The following MED12L variants were observed in gnomAD, a reference collection of about 807,000 sequenced individuals.
The protein encoded by MED12L is mediator complex subunit 12L.
MED12L carries 60 observed loss-of-function variants against 281.3 expected under a neutral mutation model. The observed-to-expected ratio is 0.21, with a 90% confidence interval of 0.17 to 0.26. MED12L has a LOEUF of 0.26. MED12L is among the 10% of genes least tolerant of loss of function. MED12L has a pLI of 1.00. For missense variants in MED12L, 2,146 were observed against 2,680.9 expected (o/e 0.80, Z 4.41); for synonymous variants, 974 against 987.2 (o/e 0.99, Z 0.25).
chr3:151,138,684 T>C (rs922950881), intron 5 of MED12L, among the ~76,000 whole-genome samples: 24 of 152,214 alleles, frequency 1.6e-4, no homozygotes, highest in African/African-American at 5.3e-4. Context: ...ATTTTTCTTA[T>C]GGTTAGACCA....
At chr3:151,338,943 C>T in intron 16 of MED12L, 2 of 1,198,910 alleles carry the variant, frequency 1.7e-6, no homozygotes, top group Admixed American at 3.8e-5. Context: ...TTTTTGGACA[C>T]AGCCTCCTCT....
At position 151,385,084 on chromosome 3, in the gene MED12L, C is replaced by T; in HGVS notation, c.4981C>T (p.Pro1661Ser). Residue 1661 changes from proline (P) to serine (S), a missense_variant, in exon 36 of 45, where the codon CCT becomes TCT. Pro to Ser is a moderately conservative substitution (Grantham distance 74). This residue lies in a region of MED12L where 212 missense variants were observed against 340.8 expected (regional missense o/e 0.62). Coordinates refer to ENST00000687756, the MANE Select transcript of MED12L (RefSeq NM_001393769.1). ...TATTGACAAAGTTCGACAGTTACTACCTTTGCCGAAACAGACATGTGATGT... is the reference window on the plus strand; with the variant it reads ...TATTGACAAAGTTCGACAGTTACTATCTTTGCCGAAACAGACATGTGATGT... ...ESIDKVRQLL[P>S]LPKQTCDVIT... 1 of 1,611,960 alleles carries T rather than the reference C, an allele frequency of 6.2e-7. No homozygotes were observed. The highest frequency in any genetic ancestry group is 8.5e-7 in the Non-Finnish European group (1 of 1,178,780).
At chr3:151,134,987 C>A (rs1172469100) in intron 5 of MED12L, among the ~76,000 whole-genome samples, 1 of 152,082 alleles carries the variant, frequency 6.6e-6, no homozygotes, top group African/African-American at 2.4e-5. Flanking sequence ...CCCTCAGTTT[C>A]TTGTCTGTAA....
intron 16 of MED12L, among the ~76,000 whole-genome samples, chr3:151,306,093 C>G (rs1014876659): frequency 6.6e-6 from 1 of 152,124 alleles, no homozygotes; most frequent in Non-Finnish European, 1.5e-5. Context: ...ATGATTATTC[C>G]GCTTATCATT....
At chr3:151,303,784 A>T (rs1345652262) in intron 16 of MED12L, among the ~76,000 whole-genome samples, 1 of 152,058 alleles carries the variant, frequency 6.6e-6, no homozygotes, top group Admixed American at 6.5e-5. Flanking sequence ...ACAAACAAAA[A>T]ACCCAAAACC....
At chr3:151,412,947 C>T (rs549179956) in intron 41 of MED12L, among the ~76,000 whole-genome samples, 192 bp from the exon 42 acceptor site, 1 of 152,332 alleles carries the variant, frequency 6.6e-6, no homozygotes, top group Non-Finnish European at 1.5e-5. Context: ...TACCTTAAGT[C>T]ATGTGCTTGC....
intron 16 of MED12L, among the ~76,000 whole-genome samples, chr3:151,238,702 A>G (rs1356965580): frequency 4.6e-5 from 7 of 152,242 alleles, no homozygotes; most frequent in Non-Finnish European, 7.3e-5. Context: ...ACAAGAAAAG[A>G]AAAATCAGTT....
intron 16 of MED12L, among the ~76,000 whole-genome samples, chr3:151,280,452 T>C (rs1418705269): frequency 6.6e-6 from 1 of 152,208 alleles, no homozygotes; most frequent in Admixed American, 6.5e-5. Flanking sequence ...GGCATGGAGA[T>C]GTTACATCAG....
At chr3:151,350,347 C>A (rs969308471) in intron 17 of MED12L, 141 bp downstream of exon 17, 2 of 666,764 alleles carry the variant, frequency 3.0e-6, no homozygotes, top group African/African-American at 1.8e-5. Flanking sequence ...TGTGAACAAG[C>A]ACATTTAAAT....
chr3:151,281,737 A>G (rs1395120822), intron 16 of MED12L, among the ~76,000 whole-genome samples: 2 of 152,174 alleles, frequency 1.3e-5, no homozygotes, highest in Admixed American at 1.3e-4. Flanking sequence ...TAACCCTGAT[A>G]TGACAACCAC....
Position 151,421,398 on chromosome 3 carries a change from G to GT in MED12L, c.6408+4988dup, listed in dbSNP as rs59213541. ...CATGCTTCTTCCTGTGCTTTACTGT[G>GT]TTTTTTTTTTTTGTTTTGTTTCTTT... On this transcript the variant is annotated intron_variant, in intron 43 of 44. Coordinates refer to ENST00000687756, the MANE Select transcript of MED12L (RefSeq NM_001393769.1). Among the ~76,000 whole-genome samples the GT allele has an allele frequency of 1.5e-3, 216 of 145,304 alleles. 1 individual carries two copies. Among genetic ancestry groups the GT allele is most frequent in the African/African-American group, 4.2e-3 (160 of 38,448 alleles).
At position 151,086,732 on chromosome 3, in the gene MED12L, C is replaced by G. The variant is rs575476398; in HGVS notation, c.-129-66C>G. ...GCCGAGTACCCGCCGAAGGCTGTCC[C>G]CATCAGTGCGTGTCTGCTGCCGGGC... On this transcript the variant is annotated intron_variant, in intron 1 of 44. Coordinates refer to ENST00000687756, the MANE Select transcript of MED12L (RefSeq NM_001393769.1). The G allele has an allele frequency of 2.6e-4, 134 of 512,726 alleles. 2 individuals carry two copies. The highest frequency in any genetic ancestry group is 2.5e-3 in the African/African-American group (124 of 50,106). The allele number at this position is 512,726 out of a possible 1,614,324, so 31.8% of individuals were successfully genotyped here.
intron 12 of MED12L, among the ~76,000 whole-genome samples, chr3:151,185,956 CAATATACATGTGCACATGTGT>C (rs1480674607): frequency 1.3e-5 from 2 of 152,106 alleles, no homozygotes; most frequent in African/African-American, 4.8e-5. Flanking sequence ...CACACATGTG[CAATATACATGTGCACATGTGT>C]ATAAGATATA....
At chr3:151,311,302 T>TTATA (rs755526279) in intron 16 of MED12L, among the ~76,000 whole-genome samples, 3 of 150,130 alleles carry the variant, frequency 2.0e-5, no homozygotes, top group African/African-American at 7.3e-5. Context: ...GTTTTTAAAA[T>TTATA]TATATATATA....
At chr3:151,327,917 C>T in intron 16 of MED12L, 2 of 1,073,046 alleles carry the variant, frequency 1.9e-6, no homozygotes, top group East Asian at 2.5e-5. Context: ...ATCTTTTTTT[C>T]TTGGTTAAAT....
At chr3:151,190,688 A>C (rs756289068) in intron 13 of MED12L, 29 bp from the exon 14 acceptor site, 1 of 1,603,736 alleles carries the variant, frequency 6.2e-7, no homozygotes, top group Non-Finnish European at 8.5e-7. Context: ...CTGCTCAAGG[A>C]ATTCTTGATT....
chr3:151,339,487 A>T (rs984368129), intron 16 of MED12L, among the ~76,000 whole-genome samples: 4 of 151,510 alleles, frequency 2.6e-5, no homozygotes. Flanking sequence ...TCCTGCCTCT[A>T]TATTGCTCAC....
At chr3:151,204,478 A>C (rs2149172763) in intron 16 of MED12L, among the ~76,000 whole-genome samples, 1 of 152,356 alleles carries the variant, frequency 6.6e-6, no homozygotes. Flanking sequence ...CATAAATTAT[A>C]AACTAGGAGG....
intron 5 of MED12L, among the ~76,000 whole-genome samples, chr3:151,154,493 T>C (rs1718998048): frequency 6.6e-6 from 1 of 152,200 alleles, no homozygotes; most frequent in Admixed American, 6.5e-5. Flanking sequence ...AATGAACGCG[T>C]ATTTCTCCTA....
Sources: allele counts gnomAD v4.1 joint callset (sites outside exome capture counted in the v4.1 genomes callset), GRCh38; gene constraint gnomAD v4.1.1; regional missense constraint gnomAD v4.1.1; transcripts MANE v1.5; gene names NCBI Gene and HGNC (gene_info 2026-07-23, HGNC 2026-07-21).